The following CZIB variants were observed in gnomAD, a reference collection of about 807,000 sequenced individuals.
The protein encoded by CZIB is CXXC motif containing zinc binding protein.
A neutral mutation model predicts 28.3 loss-of-function variants in CZIB; 26 were observed. The observed-to-expected ratio is 0.92, with a 90% CI of 0.67 to 1.27. The LOEUF is 1.27. Ranked by LOEUF, CZIB falls within the 50% of genes most tolerant of loss-of-function variation. The probability of loss-of-function intolerance (pLI) is 0.00; values close to 1 mark genes in which losing one functional copy is unlikely to be tolerated. For missense variants in CZIB, 179 were observed against 197.3 expected (o/e 0.91, Z 0.56); for synonymous variants, 78 against 71.1 (o/e 1.10, Z -0.49).
At chr1:53,218,293 T>A in intron 4 of CZIB, 90 bp from the exon 5 acceptor site, 2 of 1,577,942 alleles carry the variant, frequency 1.3e-6, no homozygotes, top group East Asian at 2.2e-5. Context: ...AAGATCACGC[T>A]GTACAGGTGT....
Sources: gnomAD v4.1 joint callset for allele counts on GRCh38, gnomAD v4.1.1 for gene constraint, MANE v1.5 for transcripts, NCBI Gene and HGNC (gene_info 2026-07-23, HGNC 2026-07-21) for gene names.